Variants in FGF1 observed in about 807,000 individuals in gnomAD.
FGF1 encodes the protein fibroblast growth factor 1.
FGF1 carries 9 observed loss-of-function variants against 13.4 expected under a neutral mutation model. The ratio of observed to expected loss-of-function variants is 0.67; its 90% CI spans 0.40 to 1.17. FGF1 has a LOEUF of 1.17. Ranked by LOEUF, FGF1 falls within the 50% of genes most tolerant of loss-of-function variation. The pLI is 0.01. For missense variants in FGF1, 156 were observed against 192.7 expected, an observed-to-expected ratio of 0.81 and a Z score of 1.13; for synonymous variants, 93 against 79.0, an observed-to-expected ratio of 1.18 and a Z score of -0.94.
intron 2 of FGF1, among the ~76,000 whole-genome samples, chr5:142,608,044 G>A (rs999521943): frequency 1.3e-5 from 2 of 152,196 alleles, no homozygotes; most frequent in Admixed American, 6.5e-5. Flanking sequence ...AAAGGAAAAA[G>A]GGTTATGATC....
chr5:142,595,576 T>A, intron 3 of FGF1, 92 bp from the exon 4 acceptor site: 3 of 1,034,632 alleles, frequency 2.9e-6, no homozygotes, highest in Non-Finnish European at 4.3e-6. Flanking sequence ...TTGGGCAAAA[T>A]ACTAAAGCTC....
At chr5:142,683,452 C>T (rs1045306597) in intron 1 of FGF1, among the ~76,000 whole-genome samples, 8 of 152,162 alleles carry the variant, frequency 5.3e-5, no homozygotes, top group African/African-American at 1.9e-4. Flanking sequence ...TTGGGAGTCT[C>T]CAGGTAGCCC....
At chr5:142,667,014 G>T (rs1770521831) in intron 1 of FGF1, among the ~76,000 whole-genome samples, 5 of 152,034 alleles carry the variant, frequency 3.3e-5, no homozygotes, top group Admixed American at 3.3e-4. Flanking sequence ...GGGCACAGTG[G>T]CTCACACCTG....
At position 142,620,261 on chromosome 5, in the gene FGF1, CA is replaced by C. The variant is rs373056477; in HGVS notation, c.-34-6101del. Among the ~76,000 whole-genome samples the C allele has an allele frequency of 6.9e-4, 104 of 151,728 alleles. 2 individuals carry two copies. In the East Asian group the frequency reaches 0.016, roughly 23 times the overall value. ...TGAAACCCTGTCTCTACTAAAAATA[CA>C]AAAAAATTAGCTGGGCATGGTGGTG... On this transcript the variant is annotated intron_variant, in intron 1 of 3. Coordinates refer to ENST00000337706, the MANE Select transcript of FGF1 (RefSeq NM_000800.5).
rs74574817 is a variant in FGF1, at chr5:142,627,488, C to T, written c.-34-13327G>A. The stretch of plus-strand genomic sequence containing the variant: ...TACTAGACAGACAATATCCCGGCAT[C>T]TCTGGAAGAACAGTTAGCAATCCCA... On this transcript the variant is annotated intron_variant, in intron 1 of 3. Coordinates refer to ENST00000337706, the MANE Select transcript of FGF1 (RefSeq NM_000800.5). Among the ~76,000 whole-genome samples, 39 of 152,340 alleles carry T rather than the reference C, an allele frequency of 2.6e-4. 1 individual carries two copies. In the East Asian group the frequency reaches 7.3e-3, roughly 29 times the overall value.
At chr5:142,603,647 C>T (rs1346227489) in intron 2 of FGF1, among the ~76,000 whole-genome samples, 1 of 152,116 alleles carries the variant, frequency 6.6e-6, no homozygotes, top group Non-Finnish European at 1.5e-5. Flanking sequence ...CTAATATTGG[C>T]AGAGATGATT....
At chr5:142,680,294 A>C (rs547195137) in intron 1 of FGF1, among the ~76,000 whole-genome samples, 1 of 152,318 alleles carries the variant, frequency 6.6e-6, no homozygotes, top group South Asian at 2.1e-4. Context: ...GAATGAAATA[A>C]AAATAAGGAA....
At chr5:142,627,913 A>G (rs1267736463) in intron 1 of FGF1, among the ~76,000 whole-genome samples, 2 of 152,040 alleles carry the variant, frequency 1.3e-5, no homozygotes, top group African/African-American at 4.8e-5. Context: ...CCATTCTCCC[A>G]TTTGCACTGT....
chr5:142,622,112 C>T (rs188302372), intron 1 of FGF1, among the ~76,000 whole-genome samples: 22 of 152,330 alleles, frequency 1.4e-4, no homozygotes, highest in Non-Finnish European at 2.9e-4. Flanking sequence ...TGGTCTTGCT[C>T]ACAATGGTAT....
intron 2 of FGF1, among the ~76,000 whole-genome samples, chr5:142,604,323 C>A (rs909165441): frequency 1.3e-5 from 2 of 152,002 alleles, no homozygotes; most frequent in African/African-American, 4.8e-5. Flanking sequence ...TTTCAGAGAA[C>A]CTTCACATAT....
At chr5:142,656,295 G>C (rs1465810162) in intron 1 of FGF1, among the ~76,000 whole-genome samples, 5 of 151,590 alleles carry the variant, frequency 3.3e-5, no homozygotes, top group Non-Finnish European at 7.4e-5. Context: ...CATCTTATCA[G>C]GTTAATAAGT....
intron 1 of FGF1, among the ~76,000 whole-genome samples, chr5:142,622,134 GCAAAATGCCTGA>G (rs1189448666): frequency 6.6e-6 from 1 of 152,210 alleles, no homozygotes; most frequent in Non-Finnish European, 1.5e-5. Flanking sequence ...CCAGTGCCTA[GCAAAATGCCTGA>G]CACCTGATGG....
At chr5:142,633,705 C>A (rs1399568749) in intron 1 of FGF1, among the ~76,000 whole-genome samples, 1 of 152,208 alleles carries the variant, frequency 6.6e-6, no homozygotes, top group Non-Finnish European at 1.5e-5. Context: ...CAGCTTTGGA[C>A]TTGCCTTTTG....
At chr5:142,618,776 T>G (rs1196266469) in intron 1 of FGF1, among the ~76,000 whole-genome samples, 2 of 152,114 alleles carry the variant, frequency 1.3e-5, no homozygotes, top group Non-Finnish European at 2.9e-5. Context: ...TAGTGACAGT[T>G]ACTATATAGT....
intron 1 of FGF1, among the ~76,000 whole-genome samples, chr5:142,659,939 A>G (rs1473142340): frequency 2.0e-5 from 3 of 152,202 alleles, no homozygotes; most frequent in Non-Finnish European, 4.4e-5. Flanking sequence ...TTGACTCCAG[A>G]GCAGGCCTCT....
At chr5:142,606,065 G>A (rs1013926970) in intron 2 of FGF1, among the ~76,000 whole-genome samples, 3 of 151,442 alleles carry the variant, frequency 2.0e-5, no homozygotes, top group African/African-American at 4.9e-5. Context: ...TACGCTCAGC[G>A]CCAGCCATGG....
At position 142,595,359 on chromosome 5, in the gene FGF1, T is replaced by G; in HGVS notation, c.399A>C (p.Lys133Asn). 6.2e-7 allele frequency: 1 copy of G among 1,614,068 alleles called. No individual in the cohort carries two copies. The highest frequency in any genetic ancestry group is 8.5e-7 in the Non-Finnish European group (1 of 1,179,960). The change falls in exon 4 of 4, where the codon AAA becomes AAC. Residue 133 changes from lysine (K) to asparagine (N), a missense_variant. Lys to Asn is a moderately conservative substitution (Grantham distance 94). Transcript: ENST00000337706. ...GGCCATAGTGAGTCCGAGGACCGCGTTTGCAGCTCCCATTCTTCTTGAGGC... is the reference window on the plus strand; with the variant it reads ...GGCCATAGTGAGTCCGAGGACCGCGGTTGCAGCTCCCATTCTTCTTGAGGC... Reference protein sequence around the residue: ...FVGLKKNGSCKRGPRTHYGQK... With the variant: ...FVGLKKNGSCNRGPRTHYGQK...
intron 2 of FGF1, among the ~76,000 whole-genome samples, chr5:142,695,597 A>AAG (rs1554097158): frequency 5.3e-4 from 80 of 151,814 alleles, no homozygotes; most frequent in African/African-American, 1.8e-3. Flanking sequence ...GAAAAAAAAA[A>AAG]AAAGAAAGAA....
At chr5:142,675,118 C>CA (rs563240689) in intron 1 of FGF1, among the ~76,000 whole-genome samples, 4 of 152,282 alleles carry the variant, frequency 2.6e-5, no homozygotes, top group Admixed American at 2.6e-4. Context: ...ACGCTCCCCC[C>CA]TGCGCCGCAT....
Sources: gnomAD v4.1 joint callset for allele counts (sites outside exome capture counted in the v4.1 genomes callset) on GRCh38, gnomAD v4.1.1 for gene constraint, MANE v1.5 for transcripts, NCBI Gene and HGNC (gene_info 2026-07-23, HGNC 2026-07-21) for gene names.